Variants in DOCK2 observed in about 807,000 individuals in gnomAD.
DOCK2 encodes dedicator of cytokinesis 2, also known as dedicator of cytokinesis protein 2.
A neutral mutation model predicts 248.9 loss-of-function variants in DOCK2; 87 were observed. That is an observed-to-expected ratio of 0.35 (90% confidence interval 0.29 to 0.42). The LOEUF (loss-of-function observed/expected upper bound fraction) is 0.42, where lower values mean the gene tolerates loss of function less well. DOCK2 is among the 10% of genes least tolerant of loss of function. DOCK2 has a pLI of 1.00. For missense variants in DOCK2, 1,747 were observed against 2,300.2 expected (o/e 0.76, Z 4.92); for synonymous variants, 805 against 821.6 (o/e 0.98, Z 0.35).
At chr5:169,930,587 A>T (rs1320279136) in intron 27 of DOCK2, among the ~76,000 whole-genome samples, 1 of 152,252 alleles carries the variant, frequency 6.6e-6, no homozygotes, top group Non-Finnish European at 1.5e-5. Context: ...TTTAAAAATG[A>T]ATGTGGTGGC....
intron 8 of DOCK2, among the ~76,000 whole-genome samples, chr5:169,686,625 C>G (rs1342822530): frequency 6.6e-6 from 1 of 152,242 alleles, no homozygotes; most frequent in Non-Finnish European, 1.5e-5. Context: ...AAGAGCTGCT[C>G]TTTCCCTAAG....
At chr5:169,861,816 G>A (rs1019459845) in intron 27 of DOCK2, among the ~76,000 whole-genome samples, 4 of 152,176 alleles carry the variant, frequency 2.6e-5, no homozygotes, top group Non-Finnish European at 5.9e-5. Context: ...CTCCTTCCCA[G>A]TTTCAGGTCA....
At chr5:170,059,422 C>A (rs1309034839) in intron 44 of DOCK2, among the ~76,000 whole-genome samples, 1 of 152,154 alleles carries the variant, frequency 6.6e-6, no homozygotes. Context: ...GCCCTGTCAC[C>A]TGGTGGTGCT....
chr5:169,888,162 G>A (rs6899136), intron 27 of DOCK2, among the ~76,000 whole-genome samples: 12,856 of 152,136 alleles, frequency 0.085, 592 homozygotes, highest in African/African-American at 0.11. Flanking sequence ...ATTTTGTGTC[G>A]GAACTCTCCT....
chr5:169,842,896 G>A (rs1427703098), intron 27 of DOCK2, among the ~76,000 whole-genome samples: 2 of 152,052 alleles, frequency 1.3e-5, no homozygotes, highest in African/African-American at 4.8e-5. Flanking sequence ...TTTTGTGGCT[G>A]GCTCTTCTAA....
chr5:169,723,791 C>T (rs1198304961), intron 22 of DOCK2, among the ~76,000 whole-genome samples: 1 of 152,114 alleles, frequency 6.6e-6, no homozygotes, highest in African/African-American at 2.4e-5. Context: ...CTTTTTCTCC[C>T]CATAGAACTA....
intron 14 of DOCK2, chr5:169,703,870 C>T (rs2279318): frequency 5.3e-5 from 8 of 152,042 alleles, no homozygotes; most frequent in African/African-American, 1.9e-4. Context: ...TCCAACTTCC[C>T]TGGTAGAGAA....
At chr5:169,709,712 C>A (rs1315595578) in intron 15 of DOCK2, among the ~76,000 whole-genome samples, 1 of 151,848 alleles carries the variant, frequency 6.6e-6, no homozygotes, top group African/African-American at 2.4e-5. Context: ...CAGTGCGAGA[C>A]TCCTTCTCAG....
At position 169,689,300 on chromosome 5, in the gene DOCK2, T is replaced by C. The variant is rs189140579; in HGVS notation, c.810T>C (p.Ile270=). 3.5e-5 allele frequency: 57 copies of C among 1,613,960 alleles called. No homozygotes were observed. The African/African-American group carries it at 7.5e-4, about 21-fold the overall frequency. ...RWGSRGFPKE[I]EMLNNLKVVF... ...GCAGCCGGGGCTTCCCTAAGGAGAT[T>C]GAGATGCTCAACAATCTGAAGGTGG... Residue 270 remains isoleucine, a synonymous_variant, in exon 9 of 52, where the codon ATT becomes ATC. Transcript: ENST00000520908.
intron 26 of DOCK2, among the ~76,000 whole-genome samples, chr5:169,820,069 G>C (rs1452665947): frequency 6.6e-6 from 1 of 152,218 alleles, no homozygotes; most frequent in East Asian, 1.9e-4. Context: ...AGCGAGACTG[G>C]TGGAGGGGCG....
intron 15 of DOCK2, among the ~76,000 whole-genome samples, chr5:169,711,170 A>G (rs1487652423): frequency 6.6e-6 from 1 of 152,220 alleles, no homozygotes; most frequent in Non-Finnish European, 1.5e-5. Context: ...GGCGTTTAAT[A>G]GGCATCTGTA....
intron 27 of DOCK2, among the ~76,000 whole-genome samples, chr5:169,938,427 T>G (rs768236870): frequency 5.9e-5 from 9 of 152,330 alleles, no homozygotes; most frequent in Middle Eastern, 3.4e-3. Flanking sequence ...GTAGAGCCTA[T>G]TGCTCCTACG....
chr5:170,056,530 C>T (rs536637616), intron 42 of DOCK2, 154 bp from the exon 43 acceptor site: 1 of 595,256 alleles, frequency 1.7e-6, no homozygotes, highest in Non-Finnish European at 3.0e-6. Flanking sequence ...TCTTACGGAG[C>T]CCAGAACACA....
intron 27 of DOCK2, among the ~76,000 whole-genome samples, chr5:169,964,249 G>T (rs536561387): frequency 1.3e-5 from 2 of 152,116 alleles, no homozygotes; most frequent in Non-Finnish European, 2.9e-5. Flanking sequence ...TCTTAGCCTG[G>T]AGTTCAGGAC....
At chr5:169,806,891 G>A (rs931960641) in intron 26 of DOCK2, among the ~76,000 whole-genome samples, 15 of 121,822 alleles carry the variant, frequency 1.2e-4, no homozygotes, top group African/African-American at 3.7e-4. Context: ...ACTGAAAGCC[G>A]TTTTCACTGC....
intron 20 of DOCK2, among the ~76,000 whole-genome samples, chr5:169,716,927 G>A (rs1761943354): frequency 6.6e-6 from 1 of 152,160 alleles, no homozygotes; most frequent in African/African-American, 2.4e-5. Flanking sequence ...CATTTTTAAA[G>A]AGGTTACTGA....
intron 29 of DOCK2, among the ~76,000 whole-genome samples, chr5:169,989,784 A>C (rs1204752576): frequency 6.6e-6 from 1 of 152,240 alleles, no homozygotes; most frequent in African/African-American, 2.4e-5. Context: ...AACTAAAATG[A>C]AGTAATATGT....
intron 13 of DOCK2, among the ~76,000 whole-genome samples, chr5:169,700,910 A>G (rs1225717999): frequency 6.9e-6 from 1 of 144,300 alleles, no homozygotes; most frequent in South Asian, 2.2e-4. Flanking sequence ...GAAAGAAAGG[A>G]AGGAACGAAA....
chr5:169,974,380 G>GT (rs1401954838), intron 27 of DOCK2, among the ~76,000 whole-genome samples: 2 of 152,126 alleles, frequency 1.3e-5, no homozygotes, highest in Non-Finnish European at 2.9e-5. Context: ...CTTTCTTCTG[G>GT]TTTTTTCTTC....
Sources: gnomAD v4.1 joint callset for allele counts (sites outside exome capture counted in the v4.1 genomes callset) on GRCh38, gnomAD v4.1.1 for gene constraint, MANE v1.5 for transcripts, NCBI Gene and HGNC (gene_info 2026-07-23, HGNC 2026-07-21) for gene names.